The following PARD3B variants were observed in gnomAD, a reference collection of about 807,000 sequenced individuals.
PARD3B encodes partitioning defective 3 homolog B.
PARD3B carries 103 observed loss-of-function variants against 130.2 expected under a neutral mutation model. The observed-to-expected ratio is 0.79, with a 90% CI of 0.67 to 0.93. The LOEUF is 0.93. Among genes scored for constraint, PARD3B ranks in the 40% least tolerant of loss-of-function variants. The pLI, the probability that PARD3B is intolerant of heterozygous loss-of-function variation, is 0.00. For synonymous variants in PARD3B, 583 were observed against 553.2 expected (o/e 1.05, Z -0.76); for missense variants, 1,609 against 1,499.2 (o/e 1.07, Z -1.21).
At chr2:205,529,572 T>C (rs1227131323) in intron 21 of PARD3B, among the ~76,000 whole-genome samples, 1 of 152,176 alleles carries the variant, frequency 6.6e-6, no homozygotes, top group African/African-American at 2.4e-5. Flanking sequence ...CCTTTGGGAA[T>C]TGAGACTCTA....
At chr2:205,486,743 G>C (rs749076391) in intron 20 of PARD3B, among the ~76,000 whole-genome samples, 2 of 152,062 alleles carry the variant, frequency 1.3e-5, no homozygotes, top group Non-Finnish European at 1.5e-5. Context: ...ACAGTACCAA[G>C]GGGATGGTCC....
intron 2 of PARD3B, among the ~76,000 whole-genome samples, chr2:204,875,499 G>C (rs1003592076): frequency 6.6e-5 from 10 of 152,094 alleles, no homozygotes; most frequent in Non-Finnish European, 1.5e-4. Flanking sequence ...CTGATTAGGT[G>C]GGTCTGGGGT....
At chr2:205,014,696 G>T (rs1695987447) in intron 3 of PARD3B, among the ~76,000 whole-genome samples, 1 of 152,216 alleles carries the variant, frequency 6.6e-6, no homozygotes, top group Admixed American at 6.5e-5. Flanking sequence ...GAACAGGCCA[G>T]ATACAGCTCT....
rs574494533 is a variant in PARD3B, at chr2:205,051,930, T to C, written c.504+4240T>C. 5.3e-5 allele frequency among the ~76,000 whole-genome samples: 8 copies of C among 152,308 alleles called. No individual in the cohort carries two copies. The South Asian group carries it at 1.2e-3, about 24-fold the overall frequency. ...ACAATCATTAATGTGCAAATAGTAA[T>C]AACTGTTTATCTTTCAAGACAGTAT... On this transcript the variant is annotated intron_variant, in intron 4 of 22. Coordinates refer to ENST00000406610, the MANE Select transcript of PARD3B (RefSeq NM_001302769.2).
At chr2:204,960,371 A>G (rs973853455) in intron 2 of PARD3B, among the ~76,000 whole-genome samples, 2 of 152,140 alleles carry the variant, frequency 1.3e-5, no homozygotes, top group African/African-American at 4.8e-5. Flanking sequence ...CTGAAAAGGA[A>G]AGAGAAGATA....
chr2:204,798,974 A>G (rs1468326149), intron 2 of PARD3B, among the ~76,000 whole-genome samples: 1 of 151,754 alleles, frequency 6.6e-6, no homozygotes, highest in Non-Finnish European at 1.5e-5. Flanking sequence ...GGCCACAGGG[A>G]AAGACTCCTT....
rs1348171832 is a variant in PARD3B at position 204,883,455 on chromosome 2, A to ATT, written c.223-81687_223-81686dup. ...ATAAAATATATATATATATATATAT[A>ATT]TTTTTTTTTTTGAGACAGAGTCTCA... On this transcript the variant is annotated intron_variant, in intron 2 of 22. Coordinates refer to ENST00000406610, the MANE Select transcript of PARD3B (RefSeq NM_001302769.2). 2.8e-3 allele frequency among the ~76,000 whole-genome samples: 213 copies of ATT among 77,220 alleles called. 1 individual carries two copies. The highest frequency in any genetic ancestry group is 4.6e-3 in the South Asian group (11 of 2,412). The allele number at this position is 77,220 out of a possible 152,430, so 50.7% of individuals were successfully genotyped here.
chr2:204,796,693 A>G (rs1414634888), intron 2 of PARD3B, among the ~76,000 whole-genome samples: 1 of 152,236 alleles, frequency 6.6e-6, no homozygotes, highest in Non-Finnish European at 1.5e-5. Flanking sequence ...GTTCTTGTGA[A>G]GCCTAGAGGT....
In PARD3B at chr2:205,160,315, C is replaced by T. The variant is rs2034435537; in HGVS notation, c.1620+1408C>T. On this transcript the variant is annotated intron_variant, in intron 11 of 22. Coordinates refer to ENST00000406610, the MANE Select transcript of PARD3B (RefSeq NM_001302769.2). This position sits in a 1 kb window ranked among gnomAD's most constrained non-coding sequence, Gnocchi z 4.0. ...TTCAGGCTGGTGTCTCTTGATCCCACTGTAACTCTGCAGATCTGAGTGTGC... is the reference window on the plus strand; with the variant it reads ...TTCAGGCTGGTGTCTCTTGATCCCATTGTAACTCTGCAGATCTGAGTGTGC... 6.6e-6 allele frequency among the ~76,000 whole-genome samples: 1 copy of T among 152,206 alleles called. No homozygotes were observed. Among genetic ancestry groups the T allele is most frequent in the African/African-American group, 2.4e-5 (1 of 41,454 alleles).
rs2033060563 is a variant in PARD3B, at chr2:205,142,707, G to GTC, written c.1435-16011_1435-16010dup. Among the ~76,000 whole-genome samples the GTC allele has an allele frequency of 6.6e-6, 1 of 151,794 alleles. No homozygotes were observed. Among genetic ancestry groups the GTC allele is most frequent in the Non-Finnish European group, 1.5e-5 (1 of 67,932 alleles). On this transcript the variant is annotated intron_variant, in intron 10 of 22. Transcript: ENST00000406610. The surrounding 1 kb of genome is among the most constrained non-coding windows in gnomAD (Gnocchi z 4.3). ...AACCTGGTCAACATGGTGAAACCCC[G>GTC]TCTCTACTAAAAATACAAAAATTAG...
At position 205,489,133 on chromosome 2, in the gene PARD3B, CT is replaced by C. The variant is rs1559140815; in HGVS notation, c.3045-10757del. On this transcript the variant is annotated intron_variant, in intron 20 of 22. Coordinates refer to ENST00000406610, the MANE Select transcript of PARD3B (RefSeq NM_001302769.2). The stretch of plus-strand genomic sequence containing the variant: ...TTTTCAACTATATTTTAAAATCTTT[CT>C]TTTTTAAGAAACCAAAATTATCGTA... 2.6e-5 allele frequency among the ~76,000 whole-genome samples: 4 copies of C among 152,114 alleles called. No individual in the cohort carries two copies. In the South Asian group the frequency reaches 8.3e-4, roughly 32 times the overall value.
At position 205,366,468 on chromosome 2, in the gene PARD3B, C is replaced by T. The variant is rs193279993; in HGVS notation, c.2631-34545C>T. On this transcript the variant is annotated intron_variant, in intron 18 of 22. Transcript: ENST00000406610. This position sits in a 1 kb window ranked among gnomAD's most constrained non-coding sequence, Gnocchi z 5.0. ...ATATTTATGAAGTGTCTTTTTCTGA[C>T]GAGTTTAAAAGATTCTGTAATTCAC... Among the ~76,000 whole-genome samples the T allele has an allele frequency of 2.0e-3, 302 of 152,138 alleles. 3 individuals carry two copies. Among genetic ancestry groups the T allele is most frequent in the African/African-American group, 6.7e-3 (280 of 41,502 alleles).
intron 3 of PARD3B, among the ~76,000 whole-genome samples, chr2:205,005,836 G>T (rs2125294786): frequency 6.6e-6 from 1 of 152,148 alleles, no homozygotes; most frequent in African/African-American, 2.4e-5. Flanking sequence ...CAATAATTTT[G>T]GGGGTACAGG....
intron 1 of PARD3B, among the ~76,000 whole-genome samples, chr2:204,684,561 T>C (rs895061485): frequency 1.3e-5 from 2 of 152,170 alleles, no homozygotes; most frequent in Non-Finnish European, 2.9e-5. Flanking sequence ...TATTGTCCAG[T>C]GGCCATTACA....
intron 21 of PARD3B, among the ~76,000 whole-genome samples, chr2:205,536,076 T>C (rs1318703923): frequency 2.0e-5 from 3 of 152,168 alleles, no homozygotes; most frequent in Non-Finnish European, 4.4e-5. Context: ...TCTCTTTTCA[T>C]AGGTTCTTGC....
At chr2:205,019,471 C>T (rs551247794) in intron 3 of PARD3B, among the ~76,000 whole-genome samples, 6 of 152,234 alleles carry the variant, frequency 3.9e-5, no homozygotes, top group Non-Finnish European at 5.9e-5. Context: ...TGCATGTACA[C>T]ATGTTTTGAT....
intron 15 of PARD3B, among the ~76,000 whole-genome samples, chr2:205,207,526 T>C (rs897005252): frequency 2.8e-5 from 4 of 141,806 alleles, no homozygotes; most frequent in African/African-American, 1.1e-4. Context: ...TAAAAAATGA[T>C]AAAGGGGATA....
At chr2:205,381,242 AG>A (rs2045433996) in intron 18 of PARD3B, among the ~76,000 whole-genome samples, 1 of 123,492 alleles carries the variant, frequency 8.1e-6, no homozygotes, top group Non-Finnish European at 1.6e-5. Context: ...ATATATAAAA[AG>A]AATATATGTT....
At chr2:205,191,297 G>A (rs1050706946) in intron 14 of PARD3B, among the ~76,000 whole-genome samples, 6 of 151,982 alleles carry the variant, frequency 3.9e-5, no homozygotes, top group Admixed American at 6.6e-5. Flanking sequence ...CGTAACTTAC[G>A]TATCTTACAA....
Sources: allele counts gnomAD v4.1 joint callset (sites outside exome capture counted in the v4.1 genomes callset), GRCh38; gene constraint gnomAD v4.1.1; non-coding constraint Gnocchi (gnomAD v3.1); transcripts MANE v1.5; gene names NCBI Gene and HGNC (gene_info 2026-07-23, HGNC 2026-07-21).